The following PCDH15 variants were observed in gnomAD, a reference collection of about 807,000 sequenced individuals.
PCDH15 encodes the protein protocadherin related 15.
A neutral mutation model predicts 178.5 loss-of-function variants in PCDH15; 129 were observed. That is an observed-to-expected ratio of 0.72 (90% CI 0.63 to 0.84). PCDH15 has a LOEUF of 0.84. PCDH15 is among the 40% of genes least tolerant of loss of function. The pLI is 0.00. For missense variants in PCDH15, 2,230 were observed against 2,099.9 expected, an observed-to-expected ratio of 1.06 and a Z score of -1.21; for synonymous variants, 800 against 732.0, an observed-to-expected ratio of 1.09 and a Z score of -1.50.
chr10:55,089,141 C>T (rs1211891619), intron 2 of PCDH15, among the ~76,000 whole-genome samples: 4 of 151,968 alleles, frequency 2.6e-5, no homozygotes, highest in Non-Finnish European at 5.9e-5. Flanking sequence ...TTAAATTGTC[C>T]AGTAGTTTAA....
intron 2 of PCDH15, among the ~76,000 whole-genome samples, chr10:54,900,439 T>C (rs1027493677): frequency 1.3e-5 from 2 of 152,084 alleles, no homozygotes; most frequent in African/African-American, 4.8e-5. Context: ...TTATCTAAAG[T>C]TTAGGATAAA....
Position 54,232,181 on chromosome 10 carries a change from T to A in PCDH15, c.985+4642A>T, listed in dbSNP as rs1301723956. ...GAGGTCATTGAATAATGGGGGGAAA[T>A]TTCCCCCTTGCTGTTCTGGTGACAG... is the stretch of plus-strand genomic sequence containing the variant. On this transcript the variant is annotated intron_variant, in intron 9 of 37. Coordinates refer to ENST00000644397, the MANE Select transcript of PCDH15 (RefSeq NM_001384140.1). 2.0e-5 allele frequency among the ~76,000 whole-genome samples: 3 copies of A among 152,038 alleles called. No homozygotes were observed. In the East Asian group the frequency reaches 5.8e-4, roughly 29 times the overall value.
In PCDH15 at chr10:54,062,251, AACAAAAAAC is replaced by A. The variant is rs1280436056; in HGVS notation, c.2220+4497_2220+4505del. 5.7e-3 allele frequency among the ~76,000 whole-genome samples: 425 copies of A among 74,382 alleles called. 36 individuals are homozygous for A. Among genetic ancestry groups the A allele is most frequent in the Non-Finnish European group, 9.6e-3 (320 of 33,492 alleles). The allele number at this position is 74,382 out of a possible 152,430, so 48.8% of individuals were successfully genotyped here. On this transcript the variant is annotated intron_variant, in intron 18 of 37. Coordinates refer to ENST00000644397, the MANE Select transcript of PCDH15 (RefSeq NM_001384140.1). ...TCAAAAAAAAAAAAAAAAAAAAAAA[AACAAAAAAC>A]AACTAAATGAAAACTCCCTTCAGCA... is the stretch of plus-strand genomic sequence containing the variant.
At chr10:54,073,825 G>T (rs972434643) in intron 17 of PCDH15, among the ~76,000 whole-genome samples, 2 of 152,104 alleles carry the variant, frequency 1.3e-5, no homozygotes, top group African/African-American at 4.8e-5. Flanking sequence ...ATCACTGTTC[G>T]CATATTTATT....
At chr10:55,181,569 A>G (rs1781998370) in intron 1 of PCDH15, among the ~76,000 whole-genome samples, 1 of 151,968 alleles carries the variant, frequency 6.6e-6, no homozygotes, top group South Asian at 2.1e-4. Flanking sequence ...TTTAAGGACT[A>G]TTTTAAATTT....
At chr10:55,201,509 T>A (rs73265587) in intron 1 of PCDH15, among the ~76,000 whole-genome samples, 1 of 152,164 alleles carries the variant, frequency 6.6e-6, no homozygotes, top group African/African-American at 2.4e-5. Context: ...CTTCCCCTAA[T>A]GACTTGTACA....
chr10:54,742,498 T>G (rs1944937310), intron 1 of PCDH15, among the ~76,000 whole-genome samples: 1 of 152,026 alleles, frequency 6.6e-6, no homozygotes, highest in African/African-American at 2.4e-5. Context: ...TAGAAAATTT[T>G]CTAATGTAGA....
intron 1 of PCDH15, among the ~76,000 whole-genome samples, chr10:55,259,762 C>T (rs929495475): frequency 2.0e-5 from 3 of 151,394 alleles, no homozygotes; most frequent in East Asian, 1.9e-4. Context: ...ATTAGCTGGG[C>T]GTGGCGGTGC....
intron 1 of PCDH15, among the ~76,000 whole-genome samples, chr10:54,749,724 C>A (rs1945947083): frequency 6.6e-6 from 1 of 152,060 alleles, no homozygotes; most frequent in African/African-American, 2.4e-5. Context: ...AACAGTGATA[C>A]AAAGGCAAAT....
chr10:55,317,719 G>GA (rs201320789), intron 1 of PCDH15, among the ~76,000 whole-genome samples: 5,164 of 138,802 alleles, frequency 0.037, 272 homozygotes, highest in African/African-American at 0.11. Flanking sequence ...GCTTAAAACA[G>GA]AAAAAAAAAA....
At chr10:53,915,162 A>T (rs945194259) in intron 25 of PCDH15, among the ~76,000 whole-genome samples, 2 of 152,188 alleles carry the variant, frequency 1.3e-5, no homozygotes, top group Non-Finnish European at 2.9e-5. Flanking sequence ...TAAAAATATA[A>T]AGTAGAATTT....
chr10:54,916,113 G>C (rs538792134), intron 2 of PCDH15, among the ~76,000 whole-genome samples: 23 of 145,072 alleles, frequency 1.6e-4, no homozygotes, highest in African/African-American at 5.9e-4. Flanking sequence ...CTCAGCTTAC[G>C]GGCACCTGCA....
chr10:54,405,844 G>GTT (rs371939135), intron 3 of PCDH15, among the ~76,000 whole-genome samples: 5 of 147,234 alleles, frequency 3.4e-5, no homozygotes, highest in Non-Finnish European at 7.5e-5. Context: ...AAGTTGAGGT[G>GTT]TTTTTTTTTT....
At chr10:54,357,843 C>T (rs2134400446) in intron 5 of PCDH15, among the ~76,000 whole-genome samples, 1 of 151,976 alleles carries the variant, frequency 6.6e-6, no homozygotes, top group South Asian at 2.1e-4. Context: ...AGAACAGAGC[C>T]CTCAGAAATA....
rs1839813521 is a variant in PCDH15 at position 55,002,359 on chromosome 10, C to T, written c.-79-104859G>A. On this transcript the variant is annotated intron_variant, in intron 2 of 5. Coordinates refer to the PCDH15 transcript ENST00000458638. Reference sequence around the variant, plus strand: ...TTTCCAAAAACAATATTTGCATTTACCATTTTTTAATGATGAGGAAAAGTT... The same window carrying T: ...TTTCCAAAAACAATATTTGCATTTATCATTTTTTAATGATGAGGAAAAGTT... Among the ~76,000 whole-genome samples, 6 of 152,146 alleles carry T rather than the reference C, an allele frequency of 3.9e-5. No individual in the cohort carries two copies. In the South Asian group the frequency reaches 8.3e-4, roughly 21 times the overall value.
At chr10:53,994,140 T>C (rs2091698932) in intron 21 of PCDH15, among the ~76,000 whole-genome samples, 1 of 152,174 alleles carries the variant, frequency 6.6e-6, no homozygotes, top group Non-Finnish European at 1.5e-5. Flanking sequence ...AGACAACTTT[T>C]CGCACCTTGG....
At chr10:55,267,605 A>G (rs1842333593) in intron 1 of PCDH15, among the ~76,000 whole-genome samples, 1 of 152,306 alleles carries the variant, frequency 6.6e-6, no homozygotes, top group African/African-American at 2.4e-5. Flanking sequence ...TTGGTTTCCT[A>G]CAGTAAAGTA....
At chr10:54,014,876 G>A (rs946094981) in intron 20 of PCDH15, among the ~76,000 whole-genome samples, 4 of 151,792 alleles carry the variant, frequency 2.6e-5, no homozygotes, top group African/African-American at 4.8e-5. Context: ...CTCTCTTATT[G>A]CCACTCATCA....
At chr10:55,073,869 C>G (rs1009624709) in intron 2 of PCDH15, among the ~76,000 whole-genome samples, 1 of 151,908 alleles carries the variant, frequency 6.6e-6, no homozygotes, top group African/African-American at 2.4e-5. Context: ...TCCCCCCCAT[C>G]TCCCCCGACC....
Sources: allele counts gnomAD v4.1 joint callset (sites outside exome capture counted in the v4.1 genomes callset), GRCh38; gene constraint gnomAD v4.1.1; transcripts MANE v1.5; gene names NCBI Gene and HGNC (gene_info 2026-07-23, HGNC 2026-07-21).